Variants in ASZ1 observed in about 807,000 individuals in gnomAD.
The protein encoded by ASZ1 is ankyrin repeat, SAM and basic leucine zipper domain-containing protein 1.
A neutral mutation model predicts 61.8 loss-of-function variants in ASZ1; 67 were observed. The observed-to-expected ratio is 1.08, with a 90% CI of 0.89 to 1.33. ASZ1 has a LOEUF of 1.33. Ranked by LOEUF, ASZ1 falls within the 40% of genes most tolerant of loss-of-function variation. The probability of loss-of-function intolerance (pLI) is 0.00; values close to 1 mark genes in which losing one functional copy is unlikely to be tolerated. For synonymous variants in ASZ1, 193 were observed against 192.7 expected (o/e 1.00, Z -0.01); for missense variants, 577 against 554.5 (o/e 1.04, Z -0.41).
chr7:117,366,769 T>TC (rs1379144621), intron 12 of ASZ1, among the ~76,000 whole-genome samples: 2 of 152,146 alleles, frequency 1.3e-5, no homozygotes, highest in African/African-American at 4.8e-5. Flanking sequence ...GGGTATTTCA[T>TC]CCACAATCGT....
At chr7:117,368,088 C>A (rs1351207257) in intron 11 of ASZ1, 1 of 392,584 alleles carries the variant, frequency 2.5e-6, no homozygotes, top group Non-Finnish European at 3.5e-6. Context: ...TCATGCGCAG[C>A]TAATTTTTAA....
At chr7:117,427,258 A>C in intron 1 of ASZ1, 98 bp downstream of exon 1, 3 of 1,303,038 alleles carry the variant, frequency 2.3e-6, no homozygotes, top group Non-Finnish European at 3.3e-6. Flanking sequence ...AGGGAAATAC[A>C]CGTGAGGGAG....
At chr7:117,399,360 T>G (rs1043911239) in intron 4 of ASZ1, among the ~76,000 whole-genome samples, 8 of 152,206 alleles carry the variant, frequency 5.3e-5, no homozygotes, top group African/African-American at 1.9e-4. Flanking sequence ...CATCTGCATC[T>G]CAGTTAAGTT....
intron 11 of ASZ1, chr7:117,367,881 C>T (rs12155176): frequency 0.011 from 10,806 of 985,160 alleles, 69 homozygotes; most frequent in Non-Finnish European, 0.012. Context: ...GCCACTTCCA[C>T]TTTTTCTTTC....
intron 2 of ASZ1, among the ~76,000 whole-genome samples, chr7:117,423,722 CG>C (rs1194967358): frequency 6.9e-6 from 1 of 145,194 alleles, no homozygotes; most frequent in Non-Finnish European, 1.5e-5. Context: ...ATTAGCCAGG[CG>C]TGGTGGTGGG....
chr7:117,363,226 A>C lies in ASZ1; in HGVS notation c.*370T>G, dbSNP rs1795859242. The C allele has an allele frequency of 1.3e-5, 2 of 153,394 alleles. No homozygotes were observed. The highest frequency in any genetic ancestry group is 4.1e-4 in the South Asian group (2 of 4,848). 9.5% of individuals were successfully genotyped at this position (153,394 alleles called of 1,614,324 possible). On this transcript the variant is annotated 3_prime_UTR_variant, in exon 13 of 13. Coordinates refer to ENST00000284629, the MANE Select transcript of ASZ1 (RefSeq NM_130768.3). The stretch of plus-strand genomic sequence containing the variant: ...ATTATGTAATAATGGAGGGGGAAAA[A>C]AGAAACAAAAGAAAGCTCAATTTAT...
chr7:117,390,054 G>C (rs1796433895), intron 4 of ASZ1, among the ~76,000 whole-genome samples: 1 of 152,056 alleles, frequency 6.6e-6, no homozygotes, highest in Non-Finnish European at 1.5e-5. Context: ...GCGTGCTGCT[G>C]CAAAGGACAT....
At chr7:117,403,090 G>C (rs1796711112) in intron 4 of ASZ1, among the ~76,000 whole-genome samples, 1 of 152,194 alleles carries the variant, frequency 6.6e-6, no homozygotes, top group Admixed American at 6.5e-5. Context: ...CTTGGGGCAA[G>C]ATGGTAAAGG....
intron 12 of ASZ1, among the ~76,000 whole-genome samples, chr7:117,366,260 T>C (rs1029556547): frequency 6.0e-5 from 9 of 150,928 alleles, no homozygotes; most frequent in Non-Finnish European, 1.3e-4. Flanking sequence ...TGAGACTCAG[T>C]ATCAAAAAAG....
At position 117,379,989 on chromosome 7, in the gene ASZ1, A is replaced by C. The variant is rs761111588; in HGVS notation, c.1004T>G (p.Val335Gly). ...TAGCTCTCCAAATTGTATCTCTTCT[A>C]CCTGTAGTTCTTTAAGAGCAGCCAG... ...KILAALKELQ[V>G]EEIQFGELSE... The change falls in exon 10 of 13, where the codon GTA (valine) becomes GGA (glycine). Residue 335 changes from valine to glycine, a missense_variant. Transcript: ENST00000284629. The C allele has an allele frequency of 6.2e-7, 1 of 1,607,930 alleles. No individual in the cohort carries two copies. The highest frequency in any genetic ancestry group is 1.1e-5 in the South Asian group (1 of 90,634).
At chr7:117,425,257 TTC>T (rs1355620921) in intron 2 of ASZ1, among the ~76,000 whole-genome samples, 7 of 122,326 alleles carry the variant, frequency 5.7e-5, no homozygotes, top group African/African-American at 1.2e-4. Context: ...TTTGAGTAAT[TTC>T]TTTTTTTTTT....
chr7:117,412,039 A>AGTGTGTATGTGT lies in ASZ1; in HGVS notation c.440+8123_440+8124insACACATACACAC, dbSNP rs561983723. On this transcript the variant is annotated intron_variant, in intron 4 of 12. Transcript: ENST00000284629. The stretch of plus-strand genomic sequence containing the variant: ...GAAAGATCCCAAACAAGTGAAAAGA[A>AGTGTGTATGTGT]GTGTGTGTGTGTGTGTGTGTGTGTG... Among the ~76,000 whole-genome samples the AGTGTGTATGTGT allele has an allele frequency of 1.0e-3, 131 of 128,442 alleles. 1 individual carries two copies. The South Asian group carries it at 0.015, about 15-fold the overall frequency. 84.3% of individuals were successfully genotyped at this position (128,442 alleles called of 152,430 possible). A position where few individuals can be genotyped will look rare whatever the true frequency, so the allele number is the denominator to read the frequency against.
At chr7:117,380,890 G>A in intron 9 of ASZ1, 121 bp downstream of exon 9, 1 of 841,714 alleles carries the variant, frequency 1.2e-6, no homozygotes, top group South Asian at 1.6e-5. Context: ...TCTAATCAAG[G>A]ACACAGTAGA....
intron 4 of ASZ1, among the ~76,000 whole-genome samples, chr7:117,392,848 CTTTT>C (rs761543858): frequency 2.2e-5 from 3 of 139,020 alleles, no homozygotes; most frequent in African/African-American, 2.7e-5. Flanking sequence ...TAAGATATAT[CTTTT>C]TTTTTTTTTT....
At chr7:117,369,040 C>T (rs1304883843) in intron 10 of ASZ1, among the ~76,000 whole-genome samples, 1 of 152,084 alleles carries the variant, frequency 6.6e-6, no homozygotes, top group Non-Finnish European at 1.5e-5. Context: ...AGTTATTTTA[C>T]ATTTGTTATT....
intron 2 of ASZ1, among the ~76,000 whole-genome samples, chr7:117,425,299 T>C (rs1169688753): frequency 3.2e-5 from 4 of 125,578 alleles, no homozygotes; most frequent in Admixed American, 1.1e-4. Context: ...GGAGTCTCGC[T>C]TTGTCGCCCA....
At chr7:117,422,505 AC>A (rs1797118777) in intron 2 of ASZ1, 146 bp from the exon 3 acceptor site, 1 of 891,090 alleles carries the variant, frequency 1.1e-6, no homozygotes, top group Non-Finnish European at 1.6e-6. Context: ...TCCAAAAAAT[AC>A]AAAATAGTTA....
At chr7:117,369,889 T>C (rs1468586306) in intron 10 of ASZ1, among the ~76,000 whole-genome samples, 1 of 152,204 alleles carries the variant, frequency 6.6e-6, no homozygotes, top group Non-Finnish European at 1.5e-5. Context: ...ATTAGCTTTA[T>C]GATTTTGGGC....
At chr7:117,424,658 T>C (rs1797162144) in intron 2 of ASZ1, among the ~76,000 whole-genome samples, 1 of 152,250 alleles carries the variant, frequency 6.6e-6, no homozygotes, top group Non-Finnish European at 1.5e-5. Flanking sequence ...TCACATTCAC[T>C]GTACCTAGTC....
Sources: allele counts gnomAD v4.1 joint callset (sites outside exome capture counted in the v4.1 genomes callset), GRCh38; gene constraint gnomAD v4.1.1; transcripts MANE v1.5; gene names NCBI Gene and HGNC (gene_info 2026-07-23, HGNC 2026-07-21).